Variants in ARHGAP24 observed in about 807,000 individuals in gnomAD.
ARHGAP24 encodes the protein rho GTPase-activating protein 24.
In ARHGAP24, 50 loss-of-function variants were observed where a neutral mutation model predicts 76.4. The ratio of observed to expected loss-of-function variants is 0.65; its 90% CI spans 0.52 to 0.83. ARHGAP24 has a LOEUF of 0.83. ARHGAP24 is among the 40% of genes least tolerant of loss of function. ARHGAP24 has a pLI of 0.00. For missense variants in ARHGAP24, 930 were observed against 914.2 expected (o/e 1.02, Z -0.22); for synonymous variants, 345 against 323.3 (o/e 1.07, Z -0.72).
At chr4:85,625,613 T>G (rs1221837480) in intron 2 of ARHGAP24, among the ~76,000 whole-genome samples, 2 of 152,166 alleles carry the variant, frequency 1.3e-5, no homozygotes, top group African/African-American at 4.8e-5. Context: ...CTGAGTTCAA[T>G]TCCTGGATAT....
chr4:85,883,161 G>T (rs1226886620), intron 3 of ARHGAP24, among the ~76,000 whole-genome samples: 1 of 152,114 alleles, frequency 6.6e-6, no homozygotes, highest in African/African-American at 2.4e-5. Flanking sequence ...TAGGAAGGCT[G>T]GCAGAAGTTC....
At chr4:85,755,879 C>T (rs1006341021) in intron 3 of ARHGAP24, among the ~76,000 whole-genome samples, 13 of 151,956 alleles carry the variant, frequency 8.6e-5, no homozygotes, top group Admixed American at 3.3e-4. Context: ...GTGATCTGCC[C>T]GCCTGGGCCT....
intron 2 of ARHGAP24, among the ~76,000 whole-genome samples, chr4:85,706,987 T>G (rs1278575260): frequency 6.6e-6 from 1 of 152,114 alleles, no homozygotes; most frequent in African/African-American, 2.4e-5. Context: ...CTATCATAGC[T>G]CACTGTAGCC....
intron 3 of ARHGAP24, among the ~76,000 whole-genome samples, chr4:85,790,672 C>G (rs914129777): frequency 4.6e-5 from 7 of 152,186 alleles, no homozygotes; most frequent in Admixed American, 3.9e-4. Flanking sequence ...CTCTTTAGAA[C>G]TGGAAGCTGG....
intron 2 of ARHGAP24, among the ~76,000 whole-genome samples, chr4:85,646,242 T>A (rs76509543): frequency 0.024 from 3,672 of 152,008 alleles, 146 homozygotes; most frequent in African/African-American, 0.083. Context: ...TCATCTCTAA[T>A]TTACCCAGAG....
At chr4:85,833,456 A>G (rs1038604446) in intron 3 of ARHGAP24, among the ~76,000 whole-genome samples, 5 of 151,588 alleles carry the variant, frequency 3.3e-5, no homozygotes, top group Non-Finnish European at 5.9e-5. Context: ...GACCTCCCGT[A>G]CTGTTTCACA....
chr4:85,977,588 G>C lies in ARHGAP24; in HGVS notation c.825G>C (p.Gln275His), dbSNP rs1739416016. The C allele has an allele frequency of 6.2e-7, 1 of 1,613,744 alleles. No individual in the cohort carries two copies. The highest frequency in any genetic ancestry group is 2.2e-5 in the East Asian group (1 of 44,828). The stretch of plus-strand genomic sequence containing the variant: ...TCCATAGATTCTTGGATGAAGTACA[G>C]TCCTACTCGGGAGTTAACAAAATGA... Reference protein sequence around the residue: ...KYICRFLDEVQSYSGVNKMSV... With the variant: ...KYICRFLDEVHSYSGVNKMSV... The change falls in exon 8 of 10, where the codon CAG becomes CAC. Residue 275 changes from glutamine (Q) to histidine (H), a missense_variant. Gln to His is a conservative substitution (Grantham distance 24, BLOSUM62 0). Coordinates refer to ENST00000395184, the MANE Select transcript of ARHGAP24 (RefSeq NM_001025616.3).
At chr4:85,880,245 T>TA (rs779818076) in intron 3 of ARHGAP24, among the ~76,000 whole-genome samples, 13 of 152,302 alleles carry the variant, frequency 8.5e-5, no homozygotes, top group Admixed American at 1.3e-4. Flanking sequence ...TATTCACTCT[T>TA]ATGATGTAAG....
intron 3 of ARHGAP24, among the ~76,000 whole-genome samples, chr4:85,810,360 T>C (rs180975989): frequency 5.9e-5 from 9 of 152,334 alleles, no homozygotes; most frequent in Admixed American, 5.2e-4. Flanking sequence ...TGCTATCCAT[T>C]TTGTCCTTGA....
intron 3 of ARHGAP24, among the ~76,000 whole-genome samples, chr4:85,737,080 A>G (rs995244367): frequency 1.3e-5 from 2 of 152,158 alleles, no homozygotes; most frequent in African/African-American, 4.8e-5. Context: ...TGAGATGATC[A>G]TTCTTTCACC....
intron 3 of ARHGAP24, among the ~76,000 whole-genome samples, chr4:85,877,073 C>T (rs559102331): frequency 1.3e-5 from 2 of 152,090 alleles, no homozygotes; most frequent in Non-Finnish European, 2.9e-5. Flanking sequence ...TTAGAGCCAT[C>T]TCTATCTCTA....
At chr4:85,775,675 A>G (rs1429989919) in intron 3 of ARHGAP24, among the ~76,000 whole-genome samples, 5 of 152,122 alleles carry the variant, frequency 3.3e-5, no homozygotes, top group Non-Finnish European at 5.9e-5. Context: ...ACACAGCCAA[A>G]CCATATCAGT....
intron 2 of ARHGAP24, among the ~76,000 whole-genome samples, chr4:85,645,974 C>T (rs1721707118): frequency 6.6e-6 from 1 of 151,956 alleles, no homozygotes. Flanking sequence ...TTTTCAAAGA[C>T]TTCCATTTAG....
chr4:85,599,157 G>A (rs926587990), intron 2 of ARHGAP24, among the ~76,000 whole-genome samples: 2 of 152,130 alleles, frequency 1.3e-5, no homozygotes, highest in African/African-American at 4.8e-5. Flanking sequence ...CAGCAGTGAG[G>A]GAGAGGAGGG....
intron 3 of ARHGAP24, among the ~76,000 whole-genome samples, chr4:85,917,839 G>T (rs1215817434): frequency 6.6e-6 from 1 of 152,000 alleles, no homozygotes; most frequent in Non-Finnish European, 1.5e-5. Context: ...GGCTATTTTT[G>T]GAACTTTTCA....
chr4:85,480,675 T>C (rs1331959258), intron 1 of ARHGAP24, among the ~76,000 whole-genome samples: 2 of 152,186 alleles, frequency 1.3e-5, no homozygotes, highest in East Asian at 3.8e-4. Flanking sequence ...AAACATTCTC[T>C]GTAGTGCTTT....
chr4:85,564,202 T>C (rs948361620), intron 1 of ARHGAP24, among the ~76,000 whole-genome samples: 2 of 152,258 alleles, frequency 1.3e-5, no homozygotes, highest in East Asian at 3.9e-4. Flanking sequence ...AAGATGTTGT[T>C]CTTGCGATAG....
chr4:85,530,760 A>G (rs1314882905), intron 1 of ARHGAP24, among the ~76,000 whole-genome samples: 2 of 152,018 alleles, frequency 1.3e-5, no homozygotes, highest in African/African-American at 2.4e-5. Flanking sequence ...TTCTGTCTGA[A>G]TAGTATTATT....
At chr4:85,476,029 T>G (rs1301310953) in intron 1 of ARHGAP24, among the ~76,000 whole-genome samples, 5 of 147,300 alleles carry the variant, frequency 3.4e-5, no homozygotes, top group African/African-American at 1.3e-4. Context: ...ATATATTTTA[T>G]ATGTATAAAA....
Sources: allele counts gnomAD v4.1 joint callset (sites outside exome capture counted in the v4.1 genomes callset), GRCh38; gene constraint gnomAD v4.1.1; transcripts MANE v1.5; gene names NCBI Gene and HGNC (gene_info 2026-07-23, HGNC 2026-07-21).